The following FBLN2 variants were observed in gnomAD, a reference collection of about 807,000 sequenced individuals.
FBLN2 encodes fibulin-2.
In FBLN2, 81 loss-of-function variants were observed where a neutral mutation model predicts 123.7. The observed-to-expected ratio is 0.65, with a 90% CI of 0.55 to 0.79. The LOEUF (loss-of-function observed/expected upper bound fraction) is 0.79, where lower values mean the gene tolerates loss of function less well. Among genes scored for constraint, FBLN2 ranks in the 30% least tolerant of loss-of-function variants. The probability of loss-of-function intolerance (pLI) is 0.00; values close to 1 mark genes in which losing one functional copy is unlikely to be tolerated. For missense variants in FBLN2, 1,603 were observed against 1,681.3 expected (o/e 0.95, Z 0.81); for synonymous variants, 699 against 701.4 (o/e 1.00, Z 0.05).
intron 9 of FBLN2, 136 bp from the exon 10 acceptor site, chr3:13,626,309 C>G (rs1706034714): frequency 1.2e-6 from 1 of 840,662 alleles, no homozygotes; most frequent in Non-Finnish European, 1.8e-6. Context: ...GAGACATCAG[C>G]CACATCTCCG....
At chr3:13,583,350 C>T (rs1704397352) in intron 2 of FBLN2, among the ~76,000 whole-genome samples, 1 of 152,220 alleles carries the variant, frequency 6.6e-6, no homozygotes, top group South Asian at 2.1e-4. Flanking sequence ...TGACTGAGGC[C>T]CAGGCAGGTT....
At chr3:13,579,943 G>A (rs371095537) in intron 2 of FBLN2, among the ~76,000 whole-genome samples, 1 of 152,314 alleles carries the variant, frequency 6.6e-6, no homozygotes, top group East Asian at 1.9e-4. Flanking sequence ...GCCCTAGGAA[G>A]CCTCCTTTGT....
chr3:13,607,591 C>T (rs953296975), intron 2 of FBLN2, among the ~76,000 whole-genome samples: 3 of 152,176 alleles, frequency 2.0e-5, no homozygotes, highest in African/African-American at 7.2e-5. Flanking sequence ...CTGCTGTTTT[C>T]GTATCTCTTG....
intron 4 of FBLN2, among the ~76,000 whole-genome samples, chr3:13,610,921 T>TATTATTATTATG (rs1209431125): frequency 1.8e-4 from 21 of 118,618 alleles, no homozygotes; most frequent in African/African-American, 6.6e-4. Context: ...TTATTATTAT[T>TATTATTATTATG]ATTATTTTGA....
At chr3:13,591,970 A>G (rs1197321355) in intron 2 of FBLN2, among the ~76,000 whole-genome samples, 2 of 150,640 alleles carry the variant, frequency 1.3e-5, no homozygotes, top group South Asian at 2.1e-4. Flanking sequence ...TAGCTTCTCC[A>G]GGAATCCAGT....
intron 2 of FBLN2, among the ~76,000 whole-genome samples, chr3:13,581,222 T>TGGGGGGGGGGGGGGGGGGGGGG (rs138166929): frequency 3.6e-4 from 15 of 42,212 alleles, no homozygotes; most frequent in East Asian, 1.7e-3. Flanking sequence ...AGGTGGGGGG[T>TGGGGGGGGGGGGGGGGGGGGGG]GGGGGGGAGG....
rs1703951938 is a variant in FBLN2, at chr3:13,571,495, A to G, written c.1140A>G (p.Pro380=). 3 of 1,613,494 alleles carry G rather than the reference A, an allele frequency of 1.9e-6. No homozygotes were observed. The highest frequency in any genetic ancestry group is 3.3e-5 in the Admixed American group (2 of 59,988). Residue 380 remains proline, a synonymous_variant, in exon 2 of 18, where the codon CCA becomes CCG. Transcript: ENST00000404922. The part of the protein sequence containing the change: ...TQAVPGSPRD[P]VKPSPHNILS... Reference sequence around the variant, plus strand: ...CCGTGCCTGGCTCTCCCAGGGACCCAGTCAAGCCCAGCCCCCACAACATCC... The same window carrying G: ...CCGTGCCTGGCTCTCCCAGGGACCCGGTCAAGCCCAGCCCCCACAACATCC...
In FBLN2 at chr3:13,637,846, A is replaced by G. The variant is rs377142928; in HGVS notation, c.3623A>G (p.Lys1208Arg). The stretch of plus-strand genomic sequence containing the variant: ...GACTTTGCCCTGGACGTGGAGATGA[A>G]GCTCTGGAGGCAGGGCTCCGTCACC... ...PRDFALDVEM[K>R]LWRQGSVTTF... Residue 1208 changes from lysine to arginine, a missense_variant, in exon 18 of 18, where the codon AAG becomes AGG. Physicochemically the swap from Lys to Arg is conservative, Grantham distance 26. Transcript: ENST00000404922. 1.9e-6 allele frequency: 3 copies of G among 1,612,670 alleles called. No homozygotes were observed. The highest frequency in any genetic ancestry group is 2.5e-6 in the Non-Finnish European group (3 of 1,179,032).
intron 2 of FBLN2, 74 bp downstream of exon 2, chr3:13,571,735 G>C (rs1264237243): frequency 6.9e-7 from 1 of 1,450,000 alleles, no homozygotes; most frequent in East Asian, 2.5e-5. Context: ...CGCTGCCCCA[G>C]GTCTCTGCCT....
intron 4 of FBLN2, 128 bp from the exon 5 acceptor site, chr3:13,613,856 G>A (rs1471660854): frequency 4.8e-6 from 5 of 1,044,902 alleles, no homozygotes; most frequent in Non-Finnish European, 6.7e-6. Flanking sequence ...CTCTGCCCTG[G>A]GAGAGCGCAT....
chr3:13,609,688 G>GGGGGCGCCC, intron 4 of FBLN2, 46 bp downstream of exon 4: 1 of 512,604 alleles, frequency 2.0e-6, no homozygotes, highest in Non-Finnish European at 3.6e-6. Context: ...GTGGGGCGGG[G>GGGGGCGCCC]CGGGAGGCTG....
chr3:13,613,744 G>T (rs559651489), intron 4 of FBLN2, among the ~76,000 whole-genome samples: 1 of 152,202 alleles, frequency 6.6e-6, no homozygotes, highest in Admixed American at 6.5e-5. Context: ...TGGCTGGGGG[G>T]TTATAGTTCC....
Position 13,606,948 on chromosome 3 carries a change from C to T in FBLN2, c.1307-1114C>T, listed in dbSNP as rs571937743. The stretch of plus-strand genomic sequence containing the variant: ...GATTACAGGCATGAGCCACCGTGCC[C>T]GGCTGACTATATTCTGTATTCTTTT... On this transcript the variant is annotated intron_variant, in intron 2 of 17. Transcript: ENST00000404922. Among the ~76,000 whole-genome samples the T allele has an allele frequency of 1.3e-3, 203 of 151,992 alleles. 3 individuals carry two copies. The highest frequency in any genetic ancestry group is 4.8e-3 in the African/African-American group (197 of 41,446).
At position 13,621,803 on chromosome 3, in the gene FBLN2, C is replaced by T. The variant is rs376930296; in HGVS notation, c.2184C>T (p.His728=). 13 of 1,614,016 alleles carry T rather than the reference C, an allele frequency of 8.1e-6. No homozygotes were observed. The highest frequency in any genetic ancestry group is 1.1e-5 in the South Asian group (1 of 91,086). ...AAGACGAGTGCCTGATGGGTGCTCA[C>T]GATTGTAGCCGGCGACAGTTCTGTG... ...EDQDECLMGA[H]DCSRRQFCVN... is the part of the protein sequence containing the mutation. The change falls in exon 9 of 18, where the codon CAC becomes CAT. Residue 728 remains histidine, a synonymous_variant. Coordinates refer to ENST00000404922, the MANE Select transcript of FBLN2 (RefSeq NM_001004019.2).
Position 13,614,866 on chromosome 3 carries a change from G to C in FBLN2, c.1729+702G>C, listed in dbSNP as rs114627317. Among the ~76,000 whole-genome samples the C allele has an allele frequency of 5.2e-3, 725 of 139,192 alleles. 5 individuals carry two copies. Among genetic ancestry groups the C allele is most frequent in the African/African-American group, 0.018 (664 of 36,100 alleles). 91.3% of individuals were successfully genotyped at this position (139,192 alleles called of 152,430 possible). A position where few individuals can be genotyped will look rare whatever the true frequency, so the allele number is the denominator to read the frequency against. On this transcript the variant is annotated intron_variant, in intron 5 of 17. Coordinates refer to ENST00000404922, the MANE Select transcript of FBLN2 (RefSeq NM_001004019.2). ...CATTCATTCATTCATCTGTCCATCT[G>C]TCCATCTATCCATCTGTCTGATCAT...
At chr3:13,586,492 G>GT (rs1239363813) in intron 2 of FBLN2, among the ~76,000 whole-genome samples, 101 of 127,542 alleles carry the variant, frequency 7.9e-4, no homozygotes, top group African/African-American at 2.7e-3. Context: ...GTATGTCTTA[G>GT]TTGTTTTTTT....
At chr3:13,629,111 GGT>G in intron 12 of FBLN2, 51 bp from the exon 13 acceptor site, 1 of 1,612,790 alleles carries the variant, frequency 6.2e-7, no homozygotes, top group Non-Finnish European at 8.5e-7. Flanking sequence ...ACCCCTGGGA[GGT>G]GTGTGTGGAG....
intron 1 of FBLN2, among the ~76,000 whole-genome samples, chr3:13,568,086 T>C (rs977760443): frequency 6.6e-6 from 1 of 152,224 alleles, no homozygotes; most frequent in South Asian, 2.1e-4. Context: ...CTAATGTCAG[T>C]GGCTTTACGG....
At chr3:13,599,794 C>T (rs574984149) in intron 2 of FBLN2, among the ~76,000 whole-genome samples, 2 of 150,690 alleles carry the variant, frequency 1.3e-5, no homozygotes, top group East Asian at 2.0e-4. Context: ...TGGGAAAATC[C>T]GGAGCTGAGC....
Sources: gnomAD v4.1 joint callset for allele counts (sites outside exome capture counted in the v4.1 genomes callset) on GRCh38, gnomAD v4.1.1 for gene constraint, MANE v1.5 for transcripts, NCBI Gene and HGNC (gene_info 2026-07-23, HGNC 2026-07-21) for gene names.